Variants in SOX5 observed in about 807,000 individuals in gnomAD.
The protein encoded by SOX5 is SRY-box transcription factor 5.
Under a neutral mutation model 92.0 loss-of-function variants are expected in SOX5, and 9 were observed. The ratio of observed to expected loss-of-function variants is 0.10; its 90% confidence interval spans 0.06 to 0.17. The LOEUF (loss-of-function observed/expected upper bound fraction) is 0.17. Among genes scored for constraint, SOX5 ranks in the 10% least tolerant of loss-of-function variants. The pLI, the probability that SOX5 is intolerant of heterozygous loss-of-function variation, is 1.00. For missense variants in SOX5, 642 were observed against 944.5 expected (o/e 0.68, Z 4.20); for synonymous variants, 344 against 336.3 (o/e 1.02, Z -0.25).
At chr12:23,993,216 C>T (rs968059369) in intron 4 of SOX5, among the ~76,000 whole-genome samples, 1 of 152,158 alleles carries the variant, frequency 6.6e-6, no homozygotes, top group Admixed American at 6.6e-5. Flanking sequence ...ATGAAACACA[C>T]AATTTCAGCT....
chr12:24,359,351 T>C (rs976631651), intron 2 of SOX5, among the ~76,000 whole-genome samples: 2 of 152,232 alleles, frequency 1.3e-5, no homozygotes, highest in Non-Finnish European at 2.9e-5. Context: ...GATGCTCCGG[T>C]CTTGCCGTTA....
chr12:24,547,697 T>C (rs1952779822), intron 1 of SOX5, among the ~76,000 whole-genome samples: 1 of 152,218 alleles, frequency 6.6e-6, no homozygotes, highest in Non-Finnish European at 1.5e-5. Context: ...AGGCATAAGT[T>C]GTCTTAGAAA....
intron 3 of SOX5, among the ~76,000 whole-genome samples, chr12:23,844,674 G>A (rs1432711432): frequency 6.6e-6 from 1 of 152,134 alleles, no homozygotes; most frequent in African/African-American, 2.4e-5. Flanking sequence ...TACTGAAGCA[G>A]TATAAAAATA....
At chr12:24,178,686 T>C (rs1955116132) in intron 4 of SOX5, among the ~76,000 whole-genome samples, 1 of 152,206 alleles carries the variant, frequency 6.6e-6, no homozygotes, top group Non-Finnish European at 1.5e-5. Context: ...GTTTTCCTCC[T>C]AAAAACCTTT....
chr12:24,459,521 T>C (rs1315808429), intron 1 of SOX5, among the ~76,000 whole-genome samples: 1 of 152,200 alleles, frequency 6.6e-6, no homozygotes, highest in Non-Finnish European at 1.5e-5. Flanking sequence ...TCACATTTAT[T>C]TTCTTAAATC....
chr12:24,155,836 C>T (rs878925921), intron 4 of SOX5, among the ~76,000 whole-genome samples: 2 of 152,144 alleles, frequency 1.3e-5, no homozygotes, highest in Non-Finnish European at 2.9e-5. Flanking sequence ...TGCACATGGG[C>T]ATCTGGACAG....
At chr12:24,228,605 G>T (rs1962619049) in intron 3 of SOX5, among the ~76,000 whole-genome samples, 1 of 152,134 alleles carries the variant, frequency 6.6e-6, no homozygotes, top group Non-Finnish European at 1.5e-5. Context: ...TGGCTGCATG[G>T]AGCTATATAG....
chr12:24,076,621 T>A (rs1468836102), intron 4 of SOX5, among the ~76,000 whole-genome samples: 1 of 152,068 alleles, frequency 6.6e-6, no homozygotes, highest in Non-Finnish European at 1.5e-5. Context: ...TAAAGTATTT[T>A]CATATTCATG....
At chr12:23,716,463 T>C (rs547817712) in intron 6 of SOX5, among the ~76,000 whole-genome samples, 2 of 152,332 alleles carry the variant, frequency 1.3e-5, no homozygotes, top group African/African-American at 2.4e-5. Context: ...TACACTAATA[T>C]GTATGCCACT....
upstream of SOX5, chr12:23,950,820 T>C: frequency 6.6e-7 from 1 of 1,515,294 alleles, no homozygotes; most frequent in Non-Finnish European, 8.9e-7. Context: ...TAATGTACCT[T>C]TGACACGAAA....
intron 6 of SOX5, among the ~76,000 whole-genome samples, chr12:23,723,526 A>G (rs556157323): frequency 2.0e-4 from 30 of 151,378 alleles, no homozygotes; most frequent in South Asian, 6.2e-4. Flanking sequence ...AGAATTAAAA[A>G]GGTATTCAGA....
intron 9 of SOX5, among the ~76,000 whole-genome samples, chr12:23,591,415 T>C (rs776215600): frequency 4.6e-5 from 7 of 152,266 alleles, no homozygotes; most frequent in African/African-American, 9.6e-5. Flanking sequence ...GTCCATCCTA[T>C]AGAATTGATA....
intron 7 of SOX5, among the ~76,000 whole-genome samples, chr12:23,660,887 T>C (rs1243721016): frequency 6.6e-6 from 1 of 152,194 alleles, no homozygotes; most frequent in Non-Finnish European, 1.5e-5. Flanking sequence ...ATAGTTCACA[T>C]AGTGTCCAAT....
chr12:23,716,694 T>C (rs1023560286), intron 6 of SOX5, among the ~76,000 whole-genome samples: 2 of 152,194 alleles, frequency 1.3e-5, no homozygotes, highest in Non-Finnish European at 2.9e-5. Flanking sequence ...AAGGCCCTCT[T>C]ATATCACTGT....
chr12:23,807,155 G>A (rs183269381), intron 3 of SOX5, among the ~76,000 whole-genome samples: 5 of 152,054 alleles, frequency 3.3e-5, no homozygotes, highest in South Asian at 2.1e-4. Context: ...AACTCATACC[G>A]TGATTAGATT....
At chr12:24,218,887 T>C (rs1047543409) in intron 3 of SOX5, among the ~76,000 whole-genome samples, 2 of 152,114 alleles carry the variant, frequency 1.3e-5, no homozygotes, top group African/African-American at 2.4e-5. Context: ...CAGAGATTAG[T>C]CTTTCAACAG....
At chr12:24,011,330 T>C (rs747418715) in intron 4 of SOX5, among the ~76,000 whole-genome samples, 1 of 152,338 alleles carries the variant, frequency 6.6e-6, no homozygotes, top group African/African-American at 2.4e-5. Flanking sequence ...GTGGCCACCA[T>C]GGTGATTCAT....
chr12:23,554,692 C>CAA (rs1387678550), intron 11 of SOX5, among the ~76,000 whole-genome samples: 1 of 152,056 alleles, frequency 6.6e-6, no homozygotes, highest in East Asian at 1.9e-4. Flanking sequence ...TAGGCATAAG[C>CAA]AAGTCTTTTT....
intron 2 of SOX5, among the ~76,000 whole-genome samples, chr12:24,311,397 G>T (rs1949166260): frequency 6.6e-6 from 1 of 152,048 alleles, no homozygotes; most frequent in South Asian, 2.1e-4. Context: ...CATTATAGGG[G>T]TGTCAGGTAT....
Sources: gnomAD v4.1 joint callset for allele counts (sites outside exome capture counted in the v4.1 genomes callset) on GRCh38, gnomAD v4.1.1 for gene constraint, MANE v1.5 for transcripts, NCBI Gene and HGNC (gene_info 2026-07-23, HGNC 2026-07-21) for gene names.